The following PI4KA variants were observed in gnomAD, a reference collection of about 807,000 sequenced individuals.
PI4KA encodes phosphatidylinositol 4-kinase alpha, also known as PI4-kinase alpha.
A neutral mutation model predicts 271.4 loss-of-function variants in PI4KA; 122 were observed. That is an observed-to-expected ratio of 0.45 (90% CI 0.39 to 0.52). The LOEUF is 0.52. PI4KA is among the 20% of genes least tolerant of loss of function. The pLI, the probability that PI4KA is intolerant of heterozygous loss-of-function variation, is 0.00. For synonymous variants in PI4KA, 1,041 were observed against 1,078.8 expected (o/e 0.96, Z 0.69); for missense variants, 1,969 against 2,769.1 (o/e 0.71, Z 6.48).
intron 9 of PI4KA, 100 bp from the exon 10 acceptor site, chr22:20,807,558 TA>T (rs1250251370): frequency 3.0e-6 from 2 of 675,896 alleles, no homozygotes; most frequent in Non-Finnish European, 5.3e-6. Context: ...ATTCGTGACT[TA>T]GCATTCTAAA....
chr22:20,722,526 C>T (rs1047905978), intron 42 of PI4KA, among the ~76,000 whole-genome samples: 7 of 152,168 alleles, frequency 4.6e-5, no homozygotes, highest in African/African-American at 1.2e-4. Flanking sequence ...GACTAATATA[C>T]ACAACTGTGG....
intron 40 of PI4KA, 121 bp downstream of exon 40, chr22:20,727,653 T>C (rs940013054): frequency 4.2e-5 from 32 of 753,668 alleles, no homozygotes; most frequent in African/African-American, 3.7e-4. Flanking sequence ...AGAAAAACCA[T>C]GAATAGCACT....
chr22:20,780,107 C>A, intron 19 of PI4KA: 1 of 1,614,214 alleles, frequency 6.2e-7, no homozygotes, highest in Non-Finnish European at 8.5e-7. Context: ...CCAACAACCA[C>A]ATCATGAAGC....
intron 19 of PI4KA, among the ~76,000 whole-genome samples, chr22:20,792,797 G>A (rs1299829749): frequency 6.6e-6 from 1 of 152,216 alleles, no homozygotes; most frequent in Non-Finnish European, 1.5e-5. Flanking sequence ...GCGCCGACAA[G>A]AGGCTTCCAG....
At position 20,799,074 on chromosome 22, in the gene PI4KA, T is replaced by C. The variant is rs1601524160; in HGVS notation, c.2004+19A>G. 6.2e-7 allele frequency: 1 copy of C among 1,608,422 alleles called. No individual in the cohort carries two copies. The highest frequency in any genetic ancestry group is 8.5e-7 in the Non-Finnish European group (1 of 1,176,386). On this transcript the variant is annotated intron_variant, in intron 16 of 54. Coordinates refer to ENST00000255882, the MANE Select transcript of PI4KA (RefSeq NM_058004.4). ...AGCTTGCACAGGGTTAGTGGTGTTC[T>C]GGCTCTGGCCTCCCTTACATTTCCG...
intron 32 of PI4KA, among the ~76,000 whole-genome samples, chr22:20,740,424 T>C (rs369974351): frequency 1.4e-5 from 2 of 143,568 alleles, no homozygotes; most frequent in African/African-American, 5.1e-5. Context: ...TAAAAAAAAA[T>C]TAAAAAAATA....
intron 22 of PI4KA, among the ~76,000 whole-genome samples, chr22:20,763,253 A>G (rs1426463999): frequency 6.6e-6 from 1 of 151,692 alleles, no homozygotes; most frequent in African/African-American, 2.4e-5. Context: ...CTGGGACTAC[A>G]GGCATGCACC....
chr22:20,739,717 A>G (rs980195418), intron 32 of PI4KA, among the ~76,000 whole-genome samples: 1 of 152,188 alleles, frequency 6.6e-6, no homozygotes, highest in South Asian at 2.1e-4. Context: ...AAATAATGGA[A>G]AGAATGCATG....
chr22:20,708,280 C>T (rs1448571550), intron 54 of PI4KA, among the ~76,000 whole-genome samples, 182 bp from the exon 55 acceptor site: 2 of 152,150 alleles, frequency 1.3e-5, no homozygotes, highest in Non-Finnish European at 2.9e-5. Flanking sequence ...ACCCGGGGGA[C>T]TCCGAGGCCA....
rs1160344412 is a variant in PI4KA, at chr22:20,715,837, A to G, written c.5318-1137T>C. Among the ~76,000 whole-genome samples, 9 of 152,190 alleles carry G rather than the reference A, an allele frequency of 5.9e-5. No homozygotes were observed. The East Asian group carries it at 1.7e-3, about 29-fold the overall frequency. On this transcript the variant is annotated intron_variant, in intron 45 of 54. Coordinates refer to ENST00000255882, the MANE Select transcript of PI4KA (RefSeq NM_058004.4). ...TTCAAGCTTCTTCAGCTCAGGGACCATGTCTTACTCATCTTTTTAACAGCT... is the reference window on the plus strand; with the variant it reads ...TTCAAGCTTCTTCAGCTCAGGGACCGTGTCTTACTCATCTTTTTAACAGCT...
At chr22:20,794,360 G>C (rs956211869) in intron 18 of PI4KA, among the ~76,000 whole-genome samples, 1 of 152,144 alleles carries the variant, frequency 6.6e-6, no homozygotes, top group Non-Finnish European at 1.5e-5. Flanking sequence ...TTTCTCAGGT[G>C]CTCAGCACCA....
rs1414983256 is a variant in PI4KA at position 20,742,358 on chromosome 22, G to A, written c.3614-3C>T. ...ATGAAGGAGCTGCGGGTCACAATCT[G>A]GAACCAAACACACGTCAGTCAGAGG... On this transcript the variant is annotated splice_region_variant and splice_polypyrimidine_tract_variant and intron_variant, in intron 31 of 54. Transcript: ENST00000255882. The A allele has an allele frequency of 6.2e-7, 1 of 1,613,662 alleles. No homozygotes were observed. The highest frequency in any genetic ancestry group is 8.5e-7 in the Non-Finnish European group (1 of 1,179,766).
chr22:20,804,990 A>G lies in PI4KA; in HGVS notation c.1344T>C (p.Ala448=). The G allele has an allele frequency of 3.7e-6, 6 of 1,613,356 alleles. No individual in the cohort carries two copies. The highest frequency in any genetic ancestry group is 5.1e-6 in the Non-Finnish European group (6 of 1,179,478). Residue 448 remains alanine, a synonymous_variant, in exon 11 of 55, where the codon GCT becomes GCC. Coordinates refer to ENST00000255882, the MANE Select transcript of PI4KA (RefSeq NM_058004.4). ...CTGTCTCACCCTGCTCGTCCTTCAC[A>G]GCCCACACCATGAGGTCCACACAGG... is the stretch of plus-strand genomic sequence containing the variant. ...NAACVDLMVW[A]VKDEQGAENL... is the part of the protein sequence containing the mutation.
At chr22:20,798,864 A>G (rs928148840) in intron 16 of PI4KA, 177 bp from the exon 17 acceptor site, 1 of 626,198 alleles carries the variant, frequency 1.6e-6, no homozygotes, top group Non-Finnish European at 2.8e-6. Context: ...TAAAAGGGAC[A>G]TGGCTTAGAT....
Position 20,819,696 on chromosome 22 carries a change from A to G in PI4KA, c.734T>C (p.Val245Ala). Residue 245 changes from valine to alanine, a missense_variant, in exon 6 of 55, where the codon GTC becomes GCC. This residue lies in a region of PI4KA where 540 missense variants were observed against 555.5 expected (regional missense o/e 0.97). Coordinates refer to ENST00000255882, the MANE Select transcript of PI4KA (RefSeq NM_058004.4). ...CCTCTTCAGGGTACCCTCCTGACAG[A>G]CAGTCAGCAGATTGCTGGGGAGGAT... ...RSILPSNLLTVCQEGTLKRKT... is the reference protein window; with the variant it reads ...RSILPSNLLTACQEGTLKRKT... The G allele has an allele frequency of 6.2e-7, 1 of 1,613,944 alleles. No individual in the cohort carries two copies. The highest frequency in any genetic ancestry group is 1.7e-5 in the Admixed American group (1 of 60,012).
chr22:20,764,816 C>T lies in PI4KA; in HGVS notation c.2708+1G>A. On this transcript the variant is annotated splice_donor_variant, in intron 22 of 54. Transcript: ENST00000255882. LOFTEE classifies it high-confidence loss of function. ...GTGCATGGTGGTGAAGGCACGTGTA[C>T]CTCATGTACTCCAGCCGGTACACAG... The T allele has an allele frequency of 6.2e-7, 1 of 1,610,512 alleles. No homozygotes were observed. The highest frequency in any genetic ancestry group is 1.1e-5 in the South Asian group (1 of 90,336).
At chr22:20,791,691 C>T (rs165825) in intron 19 of PI4KA, among the ~76,000 whole-genome samples, 59,520 of 151,812 alleles carry the variant, frequency 0.39, 11,841 homozygotes, top group East Asian at 0.51. Flanking sequence ...TCCAGAGGTC[C>T]AGGCTGCAGT....
intron 17 of PI4KA, chr22:20,798,337 C>A (rs1935099790): frequency 4.2e-6 from 2 of 478,400 alleles, no homozygotes; most frequent in Non-Finnish European, 7.6e-6. Context: ...AGGTCAGCTG[C>A]ATGTGCAGCA....
intron 45 of PI4KA, among the ~76,000 whole-genome samples, chr22:20,715,532 T>C (rs1033201396): frequency 3.9e-5 from 6 of 151,978 alleles, no homozygotes; most frequent in African/African-American, 1.2e-4. Context: ...TGGAGTGCAG[T>C]GGCTCGGTCT....
Sources: gnomAD v4.1 joint callset for allele counts (sites outside exome capture counted in the v4.1 genomes callset) on GRCh38, gnomAD v4.1.1 for gene constraint, gnomAD v4.1.1 regional missense constraint, MANE v1.5 for transcripts, NCBI Gene and HGNC (gene_info 2026-07-23, HGNC 2026-07-21) for gene names.